The following SGCZ variants were observed in gnomAD, a reference collection of about 807,000 sequenced individuals.
SGCZ encodes the protein sarcoglycan zeta, also known as zeta-sarcoglycan.
Under a neutral mutation model 41.3 loss-of-function variants are expected in SGCZ, and 40 were observed. The ratio of observed to expected loss-of-function variants is 0.97; its 90% CI spans 0.75 to 1.26. The LOEUF is 1.26. Ranked by LOEUF, SGCZ falls within the 50% of genes most tolerant of loss-of-function variation. The probability of loss-of-function intolerance (pLI) is 0.00; values close to 1 mark genes in which losing one functional copy is unlikely to be tolerated. For missense variants in SGCZ, 552 were observed against 369.8 expected (o/e 1.49, Z -4.04); for synonymous variants, 206 against 137.5 (o/e 1.50, Z -3.49).
At chr8:15,207,536 G>A (rs563754452) in intron 1 of SGCZ, among the ~76,000 whole-genome samples, 2 of 152,240 alleles carry the variant, frequency 1.3e-5, no homozygotes, top group East Asian at 1.9e-4. Flanking sequence ...CAGACTGCTC[G>A]GTGGTGCCCA....
chr8:14,534,101 A>G (rs530271058), intron 2 of SGCZ, among the ~76,000 whole-genome samples: 3 of 152,022 alleles, frequency 2.0e-5, no homozygotes, highest in African/African-American at 4.8e-5. Context: ...AAAGGTCCCA[A>G]TACATCCTTC....
intron 2 of SGCZ, among the ~76,000 whole-genome samples, chr8:14,410,787 C>A (rs79810279): frequency 0.02 from 3,059 of 152,058 alleles, 99 homozygotes; most frequent in African/African-American, 0.068. Flanking sequence ...ATACAAAAAC[C>A]AATGAAACGA....
chr8:15,099,971 T>G (rs1309070055), intron 1 of SGCZ, among the ~76,000 whole-genome samples: 3 of 151,280 alleles, frequency 2.0e-5, no homozygotes, highest in Non-Finnish European at 4.4e-5. Context: ...AAAAAAAGTC[T>G]ACAAAAATAC....
Position 15,116,949 on chromosome 8 carries a change from T to G in SGCZ, c.39+120636A>C, listed in dbSNP as rs7834135. 9.2e-3 allele frequency among the ~76,000 whole-genome samples: 1,398 copies of G among 152,352 alleles called. 12 individuals carry two copies. Among genetic ancestry groups the G allele is most frequent in the African/African-American group, 0.031 (1,282 of 41,576 alleles). On this transcript the variant is annotated intron_variant, in intron 1 of 7. Coordinates refer to ENST00000382080, the MANE Select transcript of SGCZ (RefSeq NM_139167.4). Reference sequence around the variant, plus strand: ...AACTTTTATTCAAGATTGATAGTTCTAAGATAGACATTTATGAATTTTTAT... The same window carrying G: ...AACTTTTATTCAAGATTGATAGTTCGAAGATAGACATTTATGAATTTTTAT...
At chr8:14,486,655 T>A (rs11779752) in intron 2 of SGCZ, among the ~76,000 whole-genome samples, 1 of 151,884 alleles carries the variant, frequency 6.6e-6, no homozygotes, top group Non-Finnish European at 1.5e-5. Context: ...CTCACTGCAG[T>A]CTCAACCTCC....
chr8:14,822,842 A>G (rs1485675788), intron 1 of SGCZ, among the ~76,000 whole-genome samples: 1 of 152,102 alleles, frequency 6.6e-6, no homozygotes, highest in African/African-American at 2.4e-5. Flanking sequence ...TCAAGGCTTC[A>G]GCGCAGCTCG....
At chr8:15,069,360 G>A (rs1208414310) in intron 1 of SGCZ, among the ~76,000 whole-genome samples, 1 of 152,002 alleles carries the variant, frequency 6.6e-6, no homozygotes, top group Non-Finnish European at 1.5e-5. Flanking sequence ...AAAGTGTATT[G>A]GTCAAAGTCT....
At chr8:14,862,634 A>T (rs1310119036) in intron 1 of SGCZ, among the ~76,000 whole-genome samples, 6 of 146,702 alleles carry the variant, frequency 4.1e-5, no homozygotes, top group African/African-American at 1.5e-4. Flanking sequence ...GTTGCAAAAA[A>T]ATTTTCTCAA....
At chr8:14,886,333 A>G (rs1804803934) in intron 1 of SGCZ, among the ~76,000 whole-genome samples, 1 of 152,032 alleles carries the variant, frequency 6.6e-6, no homozygotes, top group Non-Finnish European at 1.5e-5. Context: ...CCTAGTTATA[A>G]AAACAAAAAT....
intron 2 of SGCZ, among the ~76,000 whole-genome samples, chr8:14,450,682 A>AT (rs1800567327): frequency 6.6e-6 from 1 of 152,166 alleles, no homozygotes; most frequent in Non-Finnish European, 1.5e-5. Context: ...GACCACTTAG[A>AT]TTTTAATTTA....
At chr8:14,477,522 C>A (rs1281652250) in intron 2 of SGCZ, among the ~76,000 whole-genome samples, 3 of 152,034 alleles carry the variant, frequency 2.0e-5, no homozygotes, top group Non-Finnish European at 4.4e-5. Context: ...TTATTAGATA[C>A]CTCCTCAAAG....
chr8:14,151,515 T>A (rs1176491685), intron 5 of SGCZ, among the ~76,000 whole-genome samples: 3 of 152,046 alleles, frequency 2.0e-5, no homozygotes, highest in Non-Finnish European at 2.9e-5. Context: ...ACAATTCTCC[T>A]AAAATTTTTA....
intron 1 of SGCZ, among the ~76,000 whole-genome samples, chr8:14,909,094 T>C (rs1799205323): frequency 1.3e-5 from 2 of 152,172 alleles, no homozygotes; most frequent in Non-Finnish European, 2.9e-5. Flanking sequence ...ATCAAGTTGA[T>C]TAAGTATCTC....
Position 14,911,258 on chromosome 8 carries a change from A to G in SGCZ, c.39+326327T>C, listed in dbSNP as rs1333807048. Among the ~76,000 whole-genome samples, 5 of 152,094 alleles carry G rather than the reference A, an allele frequency of 3.3e-5. No individual in the cohort carries two copies. In the East Asian group the frequency reaches 9.7e-4, roughly 29 times the overall value. On this transcript the variant is annotated intron_variant, in intron 1 of 7. Coordinates refer to ENST00000382080, the MANE Select transcript of SGCZ (RefSeq NM_139167.4). ...GCTTCATTAGAACCTAATGACTCACATTTCAAATCTACCTCCTGTCTACTA... is the reference window on the plus strand; with the variant it reads ...GCTTCATTAGAACCTAATGACTCACGTTTCAAATCTACCTCCTGTCTACTA...
At chr8:15,226,296 A>G (rs1435041368) in intron 1 of SGCZ, among the ~76,000 whole-genome samples, 1 of 152,182 alleles carries the variant, frequency 6.6e-6, no homozygotes, top group African/African-American at 2.4e-5. Context: ...TTTTGACTAT[A>G]AGAAATCTGA....
intron 3 of SGCZ, among the ~76,000 whole-genome samples, chr8:14,250,960 G>A (rs1799261952): frequency 6.6e-6 from 1 of 152,154 alleles, no homozygotes; most frequent in Non-Finnish European, 1.5e-5. Flanking sequence ...AGGCATGGTG[G>A]CTCATGTCTG....
rs566700774 is a variant in SGCZ at position 14,159,218 on chromosome 8, G to A, written c.547+5362C>T. Among the ~76,000 whole-genome samples the A allele has an allele frequency of 2.6e-5, 4 of 152,280 alleles. No individual in the cohort carries two copies. In the East Asian group the frequency reaches 7.7e-4, roughly 29 times the overall value. On this transcript the variant is annotated intron_variant, in intron 5 of 7. Transcript: ENST00000382080. Reference sequence around the variant, plus strand: ...AATGGACAATTTTAAAACCTCTACAGAGAGAAGTGAGTTGATATAACCACT... The same window carrying A: ...AATGGACAATTTTAAAACCTCTACAAAGAGAAGTGAGTTGATATAACCACT...
intron 1 of SGCZ, among the ~76,000 whole-genome samples, chr8:14,566,995 C>T (rs904802677): frequency 2.6e-5 from 4 of 152,184 alleles, no homozygotes; most frequent in South Asian, 2.1e-4. Flanking sequence ...CCAGCAGCTG[C>T]GGAGGGTGCA....
intron 1 of SGCZ, among the ~76,000 whole-genome samples, chr8:15,111,723 A>G (rs1807065172): frequency 6.6e-6 from 1 of 152,048 alleles, no homozygotes; most frequent in South Asian, 2.1e-4. Flanking sequence ...AACATGGTGA[A>G]ACCCTGTCTC....
Sources: gnomAD v4.1 joint callset for allele counts (sites outside exome capture counted in the v4.1 genomes callset) on GRCh38, gnomAD v4.1.1 for gene constraint, MANE v1.5 for transcripts, NCBI Gene and HGNC (gene_info 2026-07-23, HGNC 2026-07-21) for gene names.